COL5A2: variants seen among roughly 807,000 people sequenced by gnomAD.
COL5A2 encodes collagen alpha-2(V) chain.
A neutral mutation model predicts 208.2 loss-of-function variants in COL5A2; 23 were observed. The ratio of observed to expected loss-of-function variants is 0.11; its 90% CI spans 0.08 to 0.16. The LOEUF is 0.16. Ranked by LOEUF, COL5A2 falls within the 10% of genes least tolerant of loss-of-function variation. The pLI is 1.00. For synonymous variants in COL5A2, 625 were observed against 628.5 expected, an observed-to-expected ratio of 0.99 and a Z score of 0.08; for missense variants, 1,590 against 1,956.4, an observed-to-expected ratio of 0.81 and a Z score of 3.53.
At chr2:189,278,054 A>G in the COL5A2 span, among the ~76,000 whole-genome samples, 1 of 152,154 alleles carries the variant, frequency 6.6e-6, no homozygotes, top group Non-Finnish European at 1.5e-5. Flanking sequence ...AGGCAAGAAC[A>G]AGAAACCACA....
rs1685948032 is a variant in COL5A2, at chr2:189,058,409, G to A, written c.2229+20C>T. The A allele has an allele frequency of 6.3e-7, 1 of 1,585,744 alleles. No homozygotes were observed. Among genetic ancestry groups the A allele is most frequent in the African/African-American group, 1.3e-5 (1 of 74,324 alleles). On this transcript the variant is annotated intron_variant, in intron 33 of 53. Transcript: ENST00000374866. ...TAATTTTAAAGCATTTTAAAACACT[G>A]AGATCACTATGACACTTACTTTTGG...
chr2:189,140,746 T>C (rs1001533885), intron 1 of COL5A2, among the ~76,000 whole-genome samples: 4 of 152,160 alleles, frequency 2.6e-5, no homozygotes, highest in Non-Finnish European at 5.9e-5. Flanking sequence ...TAGTTTCTAG[T>C]ATCAGAAGAC....
At chr2:189,298,701 C>T in the COL5A2 span, among the ~76,000 whole-genome samples, 2 of 152,176 alleles carry the variant, frequency 1.3e-5, no homozygotes, top group South Asian at 4.1e-4. Context: ...CTGGTAGGAA[C>T]CTCCATTCTT....
intron 1 of COL5A2, among the ~76,000 whole-genome samples, chr2:189,127,152 G>A (rs1037754221): frequency 3.2e-4 from 49 of 152,000 alleles, no homozygotes; most frequent in Admixed American, 5.9e-4. Context: ...ATCCAGAAAC[G>A]ATTTGTAATT....
chr2:189,274,192 G>A, the COL5A2 span, among the ~76,000 whole-genome samples: 1 of 151,936 alleles, frequency 6.6e-6, no homozygotes, highest in Non-Finnish European at 1.5e-5. Flanking sequence ...ATTCTAATAA[G>A]ATAAATAAGG....
At chr2:189,040,884 T>C (rs1685547063) in intron 50 of COL5A2, among the ~76,000 whole-genome samples, 1 of 152,178 alleles carries the variant, frequency 6.6e-6, no homozygotes. Context: ...ATAGGAAATA[T>C]AAGACTATTT....
chr2:189,100,757 G>T (rs1221467715), intron 3 of COL5A2, among the ~76,000 whole-genome samples: 1 of 151,768 alleles, frequency 6.6e-6, no homozygotes, highest in Non-Finnish European at 1.5e-5. Flanking sequence ...AAAATCAATT[G>T]ACTAAGAAAA....
intron 1 of COL5A2, among the ~76,000 whole-genome samples, chr2:189,207,607 C>T (rs1559145976): frequency 6.6e-6 from 1 of 152,152 alleles, no homozygotes; most frequent in Non-Finnish European, 1.5e-5. Flanking sequence ...AAATACAATA[C>T]AATGAAATAA....
chr2:189,357,989 AC>A, the COL5A2 span, among the ~76,000 whole-genome samples: 8 of 151,446 alleles, frequency 5.3e-5, no homozygotes, highest in African/African-American at 1.9e-4. Flanking sequence ...AAAGCCCATG[AC>A]CCCTTGCACC....
At chr2:189,072,801 T>C (rs1686306419) in intron 17 of COL5A2, among the ~76,000 whole-genome samples, 1 of 150,240 alleles carries the variant, frequency 6.7e-6, no homozygotes, top group Non-Finnish European at 1.5e-5. Flanking sequence ...CTGGATATTT[T>C]AGAGAGGTTT....
the COL5A2 span, among the ~76,000 whole-genome samples, chr2:189,249,734 T>C: frequency 6.6e-6 from 1 of 152,244 alleles, no homozygotes; most frequent in Middle Eastern, 3.2e-3. Flanking sequence ...TTCACTCTTG[T>C]CACTCAGGCT....
chr2:189,361,166 A>T, the COL5A2 span, among the ~76,000 whole-genome samples: 1 of 151,634 alleles, frequency 6.6e-6, no homozygotes, highest in Non-Finnish European at 1.5e-5. Flanking sequence ...GTTGGTGTTG[A>T]TTTTCCCTCT....
the COL5A2 span, among the ~76,000 whole-genome samples, chr2:189,305,505 T>C: frequency 5.3e-5 from 8 of 152,188 alleles, no homozygotes; most frequent in African/African-American, 7.2e-5. Context: ...CTTGGAAGCA[T>C]TGAGTAAACC....
chr2:189,219,839 A>C (rs1163512088), intron 1 of COL5A2, among the ~76,000 whole-genome samples: 1 of 150,318 alleles, frequency 6.7e-6, no homozygotes, highest in Non-Finnish European at 1.5e-5. Flanking sequence ...AACCAGGGAC[A>C]GCTTCACGGA....
intron 42 of COL5A2, among the ~76,000 whole-genome samples, chr2:189,051,075 C>T (rs142388834): frequency 4.6e-5 from 7 of 152,112 alleles, no homozygotes; most frequent in Non-Finnish European, 1.0e-4. Flanking sequence ...GTTATTCATA[C>T]ACAATGAACA....
chr2:189,064,431 A>G (rs1686100813), intron 25 of COL5A2, 126 bp downstream of exon 25: 2 of 725,108 alleles, frequency 2.8e-6, no homozygotes, highest in South Asian at 1.6e-5. Flanking sequence ...GATCAAAACC[A>G]TAAAAACAAA....
At chr2:189,424,023 C>A in the COL5A2 span, among the ~76,000 whole-genome samples, 1 of 151,986 alleles carries the variant, frequency 6.6e-6, no homozygotes, top group Non-Finnish European at 1.5e-5. Context: ...GGATTCATCC[C>A]AGAAATGCAA....
chr2:189,373,830 G>A, the COL5A2 span, among the ~76,000 whole-genome samples: 5,535 of 152,126 alleles, frequency 0.036, 117 homozygotes, highest in Admixed American at 0.05. Context: ...AAAATGAGTC[G>A]GTTCTATAAT....
At chr2:189,053,787 C>T (rs1685841218) in intron 37 of COL5A2, 108 bp downstream of exon 37, 4 of 1,019,020 alleles carry the variant, frequency 3.9e-6, no homozygotes. Flanking sequence ...GGAAGTTATA[C>T]ATAACCTAAA....
Sources: gnomAD v4.1 joint callset for allele counts (sites outside exome capture counted in the v4.1 genomes callset) on GRCh38, gnomAD v4.1.1 for gene constraint, MANE v1.5 for transcripts, NCBI Gene and HGNC (gene_info 2026-07-23, HGNC 2026-07-21) for gene names.